ATG5: variants seen among roughly 807,000 people sequenced by gnomAD.
ATG5 encodes the protein autophagy protein 5.
A neutral mutation model predicts 36.5 loss-of-function variants in ATG5; 14 were observed. That is an observed-to-expected ratio of 0.38 (90% confidence interval 0.25 to 0.60). The LOEUF (loss-of-function observed/expected upper bound fraction) is 0.60. Among genes scored for constraint, ATG5 ranks in the 20% least tolerant of loss-of-function variants. The probability of loss-of-function intolerance (pLI) is 0.60; values close to 1 mark genes in which losing one functional copy is unlikely to be tolerated. For synonymous variants in ATG5, 95 were observed against 101.5 expected (o/e 0.94, Z 0.38); for missense variants, 195 against 326.7 (o/e 0.60, Z 3.11).
intron 5 of ATG5, among the ~76,000 whole-genome samples, chr6:106,251,580 A>G (rs1382482711): frequency 7.8e-6 from 1 of 127,820 alleles, no homozygotes; most frequent in African/African-American, 3.2e-5. Flanking sequence ...TAGAAACGCT[A>G]TATTCTTATA....
chr6:106,230,881 G>A (rs1777658375), intron 6 of ATG5, among the ~76,000 whole-genome samples: 2 of 152,260 alleles, frequency 1.3e-5, no homozygotes, highest in South Asian at 4.1e-4. Flanking sequence ...AAGGCAAATG[G>A]TGTGAAGTGT....
chr6:106,283,265 G>T (rs763432054), intron 4 of ATG5: 1 of 152,090 alleles, frequency 6.6e-6, no homozygotes, highest in Non-Finnish European at 1.5e-5. Context: ...TTCTTTTAAT[G>T]TCTTTATCAG....
At chr6:106,219,662 G>C (rs1001678145) in intron 6 of ATG5, among the ~76,000 whole-genome samples, 1 of 152,122 alleles carries the variant, frequency 6.6e-6, no homozygotes, top group African/African-American at 2.4e-5. Flanking sequence ...AACATCAGTA[G>C]AATTTGGTAA....
chr6:106,215,772 C>T (rs553982340), intron 6 of ATG5, among the ~76,000 whole-genome samples: 1 of 152,160 alleles, frequency 6.6e-6, no homozygotes, highest in African/African-American at 2.4e-5. Context: ...TGGACTTCAT[C>T]AAAGTTAAAA....
intron 4 of ATG5, among the ~76,000 whole-genome samples, chr6:106,291,976 C>A (rs577152818): frequency 3.7e-4 from 57 of 152,322 alleles, no homozygotes; most frequent in African/African-American, 1.4e-3. Flanking sequence ...AAAAGCATCA[C>A]ATGAAGAATG....
chr6:106,274,077 G>A (rs1779552611), intron 5 of ATG5, among the ~76,000 whole-genome samples: 1 of 152,118 alleles, frequency 6.6e-6, no homozygotes, highest in Non-Finnish European at 1.5e-5. Context: ...CAGGTCTACA[G>A]AACGTATCTA....
intron 6 of ATG5, among the ~76,000 whole-genome samples, chr6:106,225,395 G>A (rs980757268): frequency 9.3e-5 from 14 of 151,046 alleles, no homozygotes; most frequent in Non-Finnish European, 2.1e-4. Flanking sequence ...AGCAATCACT[G>A]ATCATCTATT....
At chr6:106,214,842 T>C (rs902460508) in intron 6 of ATG5, among the ~76,000 whole-genome samples, 1 of 152,212 alleles carries the variant, frequency 6.6e-6, no homozygotes, top group Non-Finnish European at 1.5e-5. Context: ...TGCTTTTAAA[T>C]TTTTATATGA....
intron 6 of ATG5, among the ~76,000 whole-genome samples, chr6:106,239,671 C>T (rs567149121): frequency 2.8e-4 from 43 of 152,340 alleles, no homozygotes; most frequent in African/African-American, 9.1e-4. Flanking sequence ...AACTACTTTA[C>T]TATAAACCAG....
At chr6:106,272,592 T>A (rs1336569449) in intron 5 of ATG5, among the ~76,000 whole-genome samples, 1 of 152,206 alleles carries the variant, frequency 6.6e-6, no homozygotes, top group East Asian at 1.9e-4. Flanking sequence ...CAGTTATAAA[T>A]GTAACAATTA....
intron 6 of ATG5, among the ~76,000 whole-genome samples, chr6:106,213,242 G>C (rs1776922875): frequency 6.6e-6 from 1 of 152,098 alleles, no homozygotes; most frequent in Non-Finnish European, 1.5e-5. Flanking sequence ...GCAAACAACT[G>C]TAATACAGTG....
intron 5 of ATG5, among the ~76,000 whole-genome samples, chr6:106,250,224 T>C (rs1778518016): frequency 6.6e-6 from 1 of 152,232 alleles, no homozygotes; most frequent in African/African-American, 2.4e-5. Context: ...TGGCAATCTA[T>C]TGATTCTGCT....
chr6:106,285,543 C>T (rs1780043046), intron 4 of ATG5, among the ~76,000 whole-genome samples: 1 of 152,138 alleles, frequency 6.6e-6, no homozygotes, highest in Admixed American at 6.6e-5. Flanking sequence ...CCTAAAAAGG[C>T]AGGTCCAGAG....
chr6:106,204,461 A>G (rs1018793983), intron 6 of ATG5, among the ~76,000 whole-genome samples: 8 of 152,202 alleles, frequency 5.3e-5, no homozygotes, highest in African/African-American at 1.9e-4. Context: ...TTTAGGGATT[A>G]TTTTTAAAAA....
At chr6:106,265,556 C>T (rs1285340932) in intron 5 of ATG5, among the ~76,000 whole-genome samples, 2 of 152,160 alleles carry the variant, frequency 1.3e-5, no homozygotes, top group Non-Finnish European at 2.9e-5. Flanking sequence ...ACACATTCTT[C>T]TCAGCACCAC....
rs1354471940 is a variant in ATG5 at position 106,186,385 on chromosome 6, G to A, written c.*155C>T. The A allele has an allele frequency of 8.6e-6, 7 of 812,962 alleles. No individual in the cohort carries two copies. The highest frequency in any genetic ancestry group is 1.1e-5 in the Non-Finnish European group (6 of 522,178). 50.4% of individuals were successfully genotyped at this position (812,962 alleles called of 1,614,324 possible). A position where few individuals can be genotyped will look rare whatever the true frequency, so the allele number is the denominator to read the frequency against. On this transcript the variant is annotated 3_prime_UTR_variant, in exon 8 of 8. Transcript: ENST00000369076. The stretch of plus-strand genomic sequence containing the variant: ...GATGCAAAGTAAGACCAGCCCAGTT[G>A]CCTTATCTGACATGGAATCTTTTTC...
intron 6 of ATG5, among the ~76,000 whole-genome samples, chr6:106,209,567 T>A (rs1185455167): frequency 6.6e-6 from 1 of 152,154 alleles, no homozygotes; most frequent in Non-Finnish European, 1.5e-5. Context: ...TATAAAAGGG[T>A]AGCCTAAGAG....
At chr6:106,253,089 T>C (rs1482639503) in intron 5 of ATG5, among the ~76,000 whole-genome samples, 1 of 152,250 alleles carries the variant, frequency 6.6e-6, no homozygotes, top group East Asian at 1.9e-4. Flanking sequence ...CCCATATGAA[T>C]TAATTTCTTC....
intron 6 of ATG5, among the ~76,000 whole-genome samples, chr6:106,221,493 C>T (rs1777245912): frequency 6.6e-6 from 1 of 151,932 alleles, no homozygotes; most frequent in Non-Finnish European, 1.5e-5. Context: ...CGAGACCAAC[C>T]TGGGCAACAT....
Sources: gnomAD v4.1 joint callset for allele counts (sites outside exome capture counted in the v4.1 genomes callset) on GRCh38, gnomAD v4.1.1 for gene constraint, MANE v1.5 for transcripts, NCBI Gene and HGNC (gene_info 2026-07-23, HGNC 2026-07-21) for gene names.